NEK5: variants seen among roughly 807,000 people sequenced by gnomAD.
NEK5 encodes NIMA related kinase 5.
A neutral mutation model predicts 109.2 loss-of-function variants in NEK5; 88 were observed. The observed-to-expected ratio is 0.81, with a 90% CI of 0.68 to 0.96. The LOEUF (loss-of-function observed/expected upper bound fraction) is 0.96, where lower values mean the gene tolerates loss of function less well. Ranked by LOEUF, NEK5 falls within the 40% of genes least tolerant of loss-of-function variation. The probability of loss-of-function intolerance (pLI) is 0.00; values close to 1 mark genes in which losing one functional copy is unlikely to be tolerated. For missense variants in NEK5, 834 were observed against 920.7 expected, an observed-to-expected ratio of 0.91 and a Z score of 1.22; for synonymous variants, 283 against 299.9, an observed-to-expected ratio of 0.94 and a Z score of 0.58.
intron 3 of NEK5, among the ~76,000 whole-genome samples, chr13:52,125,359 T>C (rs1351664056): frequency 7.2e-5 from 11 of 152,144 alleles, no homozygotes; most frequent in Non-Finnish European, 1.2e-4. Flanking sequence ...GTCAGGAGAT[T>C]GAGACCATCC....
chr13:52,104,740 G>C (rs139830346), intron 8 of NEK5, among the ~76,000 whole-genome samples, 188 bp from the exon 9 acceptor site: 263 of 152,302 alleles, frequency 1.7e-3, no homozygotes, highest in African/African-American at 6.0e-3. Context: ...ACCATTTGTA[G>C]TTTGTCAGAT....
chr13:52,120,782 C>G (rs1955952615), intron 3 of NEK5, among the ~76,000 whole-genome samples: 1 of 151,884 alleles, frequency 6.6e-6, no homozygotes, highest in African/African-American at 2.4e-5. Flanking sequence ...CGTGGTGGCA[C>G]ACACCTGTGG....
chr13:52,103,033 G>T (rs755363), intron 9 of NEK5, among the ~76,000 whole-genome samples: 1 of 151,920 alleles, frequency 6.6e-6, no homozygotes, highest in Non-Finnish European at 1.5e-5. Flanking sequence ...CATAAACATC[G>T]TTTAATTTCC....
intron 12 of NEK5, among the ~76,000 whole-genome samples, chr13:52,096,026 C>T (rs900083635): frequency 2.1e-4 from 32 of 152,046 alleles, no homozygotes; most frequent in Admixed American, 2.0e-4. Context: ...AAGTTTGTAG[C>T]GGCTACCCCT....
intron 14 of NEK5, 117 bp from the exon 15 acceptor site, chr13:52,087,571 G>T: frequency 1.8e-6 from 1 of 543,332 alleles, no homozygotes; most frequent in Non-Finnish European, 3.2e-6. Context: ...CTCAGTATTT[G>T]GGAGTTTTTT....
At chr13:52,090,957 C>T (rs367581180) in intron 13 of NEK5, among the ~76,000 whole-genome samples, 186 of 151,906 alleles carry the variant, frequency 1.2e-3, no homozygotes, top group Admixed American at 3.1e-3. Flanking sequence ...ACCCAGGGGG[C>T]GGAGCTTGCA....
At chr13:52,118,003 A>G (rs184104465) in intron 4 of NEK5, among the ~76,000 whole-genome samples, 1 of 152,344 alleles carries the variant, frequency 6.6e-6, no homozygotes, top group African/African-American at 2.4e-5. Context: ...CCAATTCCAG[A>G]CCATGTGTAC....
intron 3 of NEK5, 122 bp from the exon 4 acceptor site, chr13:52,119,537 C>T (rs1175909802): frequency 1.6e-5 from 8 of 512,500 alleles, no homozygotes; most frequent in South Asian, 3.5e-5. Flanking sequence ...ACTTTGAAAA[C>T]GATCTTTCAA....
chr13:52,071,376 C>T (rs1046767058), intron 20 of NEK5, among the ~76,000 whole-genome samples: 1 of 152,190 alleles, frequency 6.6e-6, no homozygotes, highest in Non-Finnish European at 1.5e-5. Flanking sequence ...CATGTAGCTC[C>T]TCCAATATGA....
At chr13:52,080,840 A>G (rs915287732) in intron 17 of NEK5, among the ~76,000 whole-genome samples, 6 of 151,212 alleles carry the variant, frequency 4.0e-5, no homozygotes, top group African/African-American at 7.3e-5. Context: ...CTGTTGTCCT[A>G]TGACCCTGCC....
intron 5 of NEK5, among the ~76,000 whole-genome samples, chr13:52,110,920 C>T (rs1315498416): frequency 6.6e-6 from 1 of 152,010 alleles, no homozygotes; most frequent in African/African-American, 2.4e-5. Context: ...CTAACTGCAT[C>T]GTGAATAGTA....
In NEK5 at chr13:52,099,809, A is replaced by C; in HGVS notation, c.960T>G (p.Ile320Met). ...CPPRSRISVP[I>M]KRNAILHRNE... ...TTCTATGCAATATAGCATTCCTTTT[A>C]ATTGGCACAGATATCCTTGATCTTG... is the stretch of plus-strand genomic sequence containing the variant. The change falls in exon 12 of 24, where the codon ATT becomes ATG. Residue 320 changes from isoleucine to methionine, a missense_variant. Ile to Met is a conservative substitution (Grantham distance 10, BLOSUM62 1). Transcript: ENST00000684899. 1.9e-6 allele frequency: 3 copies of C among 1,613,750 alleles called. No individual in the cohort carries two copies. Among genetic ancestry groups the C allele is most frequent in the South Asian group, 2.2e-5 (2 of 91,058 alleles).
At chr13:52,122,586 G>A (rs958577235) in intron 3 of NEK5, among the ~76,000 whole-genome samples, 5 of 152,110 alleles carry the variant, frequency 3.3e-5, no homozygotes, top group African/African-American at 2.4e-5. Context: ...GGCCAACATA[G>A]TGAAAGCCTG....
intron 23 of NEK5, among the ~76,000 whole-genome samples, chr13:52,039,681 T>C (rs1294137325): frequency 2.0e-5 from 3 of 152,220 alleles, no homozygotes; most frequent in Admixed American, 6.5e-5. Context: ...TTTTCCATCA[T>C]GTTTTTACTT....
intron 20 of NEK5, among the ~76,000 whole-genome samples, chr13:52,071,169 A>G (rs1035515405): frequency 1.3e-5 from 2 of 152,114 alleles, no homozygotes. Context: ...CCCTGGTGAC[A>G]GCACTGACTG....
chr13:52,077,490 A>G (rs1181328014), intron 17 of NEK5, among the ~76,000 whole-genome samples: 1 of 152,186 alleles, frequency 6.6e-6, no homozygotes, highest in Non-Finnish European at 1.5e-5. Flanking sequence ...GAAGAGGTGC[A>G]GGGATGGAAA....
At position 52,110,373 on chromosome 13, in the gene NEK5, A is replaced by C. The variant is rs762872565; in HGVS notation, c.434T>G (p.Leu145Arg). 6.2e-7 allele frequency: 1 copy of C among 1,613,454 alleles called. No individual in the cohort carries two copies. The change falls in exon 7 of 24, where the codon CTT becomes CGT. Residue 145 changes from leucine (L) to arginine (R), a missense_variant. Physicochemically the swap from Leu to Arg is moderately radical, Grantham distance 102. This residue lies in a region of NEK5 where 777 missense variants were observed against 824.7 expected (regional missense o/e 0.94). Coordinates refer to ENST00000684899, the MANE Select transcript of NEK5 (RefSeq NM_001365552.1). The stretch of plus-strand genomic sequence containing the variant: ...GACTCTTGCTATACCAAAGTCCCCA[A>C]GCTTTGCCACCATTCCGTTCTTGCT... ...FLSKNGMVAK[L>R]GDFGIARVLN... is the part of the protein sequence containing the mutation.
intron 19 of NEK5, among the ~76,000 whole-genome samples, chr13:52,075,147 T>G (rs1322185066): frequency 6.6e-6 from 1 of 152,184 alleles, no homozygotes; most frequent in Non-Finnish European, 1.5e-5. Context: ...AAACAAACCA[T>G]TCTACCAAAA....
chr13:52,088,226 G>GCC (rs1167900396), intron 14 of NEK5, among the ~76,000 whole-genome samples: 2 of 151,624 alleles, frequency 1.3e-5, no homozygotes, highest in East Asian at 1.9e-4. Context: ...ATAATATCTG[G>GCC]CCTAATCACT....
Sources: allele counts gnomAD v4.1 joint callset (sites outside exome capture counted in the v4.1 genomes callset), GRCh38; gene constraint gnomAD v4.1.1; regional missense constraint gnomAD v4.1.1; transcripts MANE v1.5; gene names NCBI Gene and HGNC (gene_info 2026-07-23, HGNC 2026-07-21).